The following ANKRD11 variants were observed in gnomAD, a reference collection of about 807,000 sequenced individuals.
ANKRD11 encodes ankyrin repeat domain-containing protein 11.
ANKRD11 carries 17 observed loss-of-function variants against 195.7 expected under a neutral mutation model. The observed-to-expected ratio is 0.09, with a 90% CI of 0.06 to 0.13. The LOEUF (loss-of-function observed/expected upper bound fraction) is 0.13, where lower values mean the gene tolerates loss of function less well. ANKRD11 is among the 10% of genes least tolerant of loss of function. The probability of loss-of-function intolerance (pLI) is 1.00; values close to 1 mark genes in which losing one functional copy is unlikely to be tolerated. For missense variants in ANKRD11, 3,735 were observed against 3,566.1 expected (o/e 1.05, Z -1.21); for synonymous variants, 1,953 against 1,528.1 (o/e 1.28, Z -6.49).
Position 89,280,801 on chromosome 16 carries a change from G to A in ANKRD11, c.5741C>T (p.Ser1914Phe). The A allele has an allele frequency of 6.2e-7, 1 of 1,609,622 alleles. No homozygotes were observed. Among genetic ancestry groups the A allele is most frequent in the Non-Finnish European group, 8.5e-7 (1 of 1,176,652 alleles). The change falls in exon 9 of 13, where the codon TCC becomes TTC. Residue 1914 changes from serine (S) to phenylalanine (F), a missense_variant. Transcript: ENST00000301030. ...EGALPPDLDTSEDQQATAAII... is the reference protein window; with the variant it reads ...EGALPPDLDTFEDQQATAAII... ...GGCGGCCGTCGCCTGCTGGTCCTCG[G>A]AGGTGTCCAGGTCCGGGGGAAGGGC...
At chr16:89,312,482 G>A (rs1487870866) in intron 3 of ANKRD11, among the ~76,000 whole-genome samples, 2 of 152,240 alleles carry the variant, frequency 1.3e-5, no homozygotes, top group Non-Finnish European at 2.9e-5. Context: ...GTAGGAGCTG[G>A]CGGGCCACAG....
chr16:89,307,323 C>A (rs1597567013), intron 3 of ANKRD11, among the ~76,000 whole-genome samples: 2 of 152,218 alleles, frequency 1.3e-5, no homozygotes, highest in Non-Finnish European at 2.9e-5. Flanking sequence ...CCAGCTCAGT[C>A]ACTCTGCATC....
Position 89,317,753 on chromosome 16 carries a change from ATAT to A in ANKRD11, c.-59-678_-59-676del, listed in dbSNP as rs570047535. Among the ~76,000 whole-genome samples, 44 of 152,242 alleles carry A rather than the reference ATAT, an allele frequency of 2.9e-4. 1 individual carries two copies. Among genetic ancestry groups the A allele is most frequent in the African/African-American group, 1.0e-3 (43 of 41,534 alleles). ...CGAGGACACATACTGTATTAATTGT[ATAT>A]TATTTTTATTTATTAATCATGTTTT... On this transcript the variant is annotated intron_variant, in intron 2 of 12. Transcript: ENST00000301030.
At chr16:89,324,193 C>T (rs1481703665) in intron 2 of ANKRD11, 6 of 1,179,234 alleles carry the variant, frequency 5.1e-6, no homozygotes, top group Middle Eastern at 2.6e-4. Context: ...GTGGCAGCAC[C>T]GAGAGCGCGT....
chr16:89,374,098 T>C (rs935881587), intron 2 of ANKRD11, among the ~76,000 whole-genome samples: 2 of 152,140 alleles, frequency 1.3e-5, no homozygotes, highest in East Asian at 1.9e-4. Context: ...GAGACAAAAA[T>C]GATCAATAGT....
chr16:89,271,231 G>T (rs958845622), intron 11 of ANKRD11: 1 of 398,426 alleles, frequency 2.5e-6, no homozygotes, highest in Non-Finnish European at 4.6e-6. Flanking sequence ...CCAACTCCTG[G>T]GAGAGACTTT....
chr16:89,381,354 A>AGGGG (rs149983751), intron 2 of ANKRD11, among the ~76,000 whole-genome samples: 6,270 of 125,306 alleles, frequency 0.05, 290 homozygotes, highest in East Asian at 0.19. Context: ...AAAAAAAAAA[A>AGGGG]GGGGTGAGAA....
chr16:89,305,806 C>G (rs1422270189), intron 3 of ANKRD11, among the ~76,000 whole-genome samples: 3 of 127,178 alleles, frequency 2.4e-5, no homozygotes, highest in African/African-American at 9.4e-5. Context: ...CCTCCCACTC[C>G]GCAGACATGC....
chr16:89,475,517 A>C (rs1219050705), intron 1 of ANKRD11, among the ~76,000 whole-genome samples: 5 of 152,242 alleles, frequency 3.3e-5, no homozygotes, highest in Admixed American at 6.5e-5. Flanking sequence ...AATTTTGATA[A>C]AGAACTAGGT....
Position 89,383,354 on chromosome 16 carries a change from A to C in ANKRD11, c.-60+34930T>G, listed in dbSNP as rs540944233. The stretch of plus-strand genomic sequence containing the variant: ...TCTGGAGGGGCAGCAGCAGCCCCAT[A>C]CCAACGCTGACCTCCTGAGAGAACA... On this transcript the variant is annotated intron_variant, in intron 2 of 12. Transcript: ENST00000301030. Among the ~76,000 whole-genome samples the C allele has an allele frequency of 1.1e-4, 17 of 152,284 alleles. No individual in the cohort carries two copies. The South Asian group carries it at 2.9e-3, about 26-fold the overall frequency.
intron 1 of ANKRD11, among the ~76,000 whole-genome samples, chr16:89,461,245 G>C (rs968533698): frequency 1.3e-5 from 2 of 150,114 alleles, no homozygotes; most frequent in Non-Finnish European, 3.0e-5. Flanking sequence ...AAGCAGATTG[G>C]TGGTCAGGGG....
chr16:89,269,512 C>T (rs913363116), intron 12 of ANKRD11, among the ~76,000 whole-genome samples: 1 of 152,172 alleles, frequency 6.6e-6, no homozygotes, highest in African/African-American at 2.4e-5. Context: ...TACATGGAAT[C>T]ATATAATACC....
intron 4 of ANKRD11, among the ~76,000 whole-genome samples, chr16:89,302,560 C>A (rs1259051482): frequency 6.6e-6 from 1 of 152,058 alleles, no homozygotes; most frequent in African/African-American, 2.4e-5. Context: ...TGTGGACTTG[C>A]TACTTTAAGA....
intron 2 of ANKRD11, chr16:89,323,980 T>C: frequency 4.6e-6 from 1 of 219,292 alleles, no homozygotes; most frequent in Non-Finnish European, 9.2e-6. Flanking sequence ...CACCCCAAAA[T>C]TCACAGGTTC....
At chr16:89,489,904 C>A (rs2057760626) in intron 1 of ANKRD11, among the ~76,000 whole-genome samples, 1 of 147,478 alleles carries the variant, frequency 6.8e-6, no homozygotes, top group Non-Finnish European at 1.5e-5. Context: ...CACCCAGGCC[C>A]GCCCGGAGCC....
At chr16:89,394,680 C>T (rs371386497) in intron 2 of ANKRD11, among the ~76,000 whole-genome samples, 2 of 151,798 alleles carry the variant, frequency 1.3e-5, no homozygotes, top group African/African-American at 4.8e-5. Flanking sequence ...GTATTTTCCA[C>T]TCCTCGTCTC....
At chr16:89,314,837 A>G (rs1344346698) in intron 3 of ANKRD11, among the ~76,000 whole-genome samples, 1 of 151,772 alleles carries the variant, frequency 6.6e-6, no homozygotes, top group Non-Finnish European at 1.5e-5. Flanking sequence ...TACCACCCTT[A>G]CCCTAAAACC....
intron 2 of ANKRD11, among the ~76,000 whole-genome samples, chr16:89,374,371 C>T (rs995530771): frequency 6.6e-6 from 1 of 151,922 alleles, no homozygotes; most frequent in Non-Finnish European, 1.5e-5. Context: ...TCACACTCAC[C>T]TGTTTACATA....
At chr16:89,394,972 T>C (rs114520941) in intron 2 of ANKRD11, among the ~76,000 whole-genome samples, 228 of 152,312 alleles carry the variant, frequency 1.5e-3, no homozygotes, top group African/African-American at 5.2e-3. Context: ...GAACCCCCTG[T>C]TAAAAAGATC....
Sources: gnomAD v4.1 joint callset for allele counts (sites outside exome capture counted in the v4.1 genomes callset) on GRCh38, gnomAD v4.1.1 for gene constraint, MANE v1.5 for transcripts, NCBI Gene and HGNC (gene_info 2026-07-23, HGNC 2026-07-21) for gene names.